The following HK2 variants were observed in gnomAD, a reference collection of about 807,000 sequenced individuals.
HK2 encodes the protein hexokinase-2.
Under a neutral mutation model 92.9 loss-of-function variants are expected in HK2, and 42 were observed. That is an observed-to-expected ratio of 0.45 (90% CI 0.35 to 0.58). The LOEUF (loss-of-function observed/expected upper bound fraction) is 0.58. Ranked by LOEUF, HK2 falls within the 20% of genes least tolerant of loss-of-function variation. HK2 has a pLI of 0.00. For missense variants in HK2, 978 were observed against 1,245.1 expected, an observed-to-expected ratio of 0.79 and a Z score of 3.23; for synonymous variants, 422 against 468.0, an observed-to-expected ratio of 0.90 and a Z score of 1.27.
intron 8 of HK2, among the ~76,000 whole-genome samples, chr2:74,877,702 C>T (rs1459641656): frequency 6.6e-6 from 1 of 152,190 alleles, no homozygotes; most frequent in African/African-American, 2.4e-5. Flanking sequence ...TCAAAAAGGA[C>T]TCTGTCATGA....
chr2:74,887,704 G>T (rs1418294606), intron 15 of HK2, among the ~76,000 whole-genome samples, 199 bp from the exon 16 acceptor site: 1 of 152,056 alleles, frequency 6.6e-6, no homozygotes, highest in African/African-American at 2.4e-5. Context: ...TGTGGTCAGT[G>T]TTGCTGAAGG....
intron 1 of HK2, among the ~76,000 whole-genome samples, chr2:74,851,629 T>C (rs1007124838): frequency 2.8e-4 from 42 of 152,352 alleles, no homozygotes; most frequent in African/African-American, 7.9e-4. Context: ...CAGGAACTCC[T>C]GTGCCCTTTG....
At chr2:74,867,548 T>G in intron 2 of HK2, 88 bp from the exon 3 acceptor site, 1 of 1,483,798 alleles carries the variant, frequency 6.7e-7, no homozygotes, top group Non-Finnish European at 9.4e-7. Context: ...CCCACAGATA[T>G]TCCTGGAGGG....
At chr2:74,851,411 T>A (rs1210290423) in intron 1 of HK2, among the ~76,000 whole-genome samples, 1 of 152,216 alleles carries the variant, frequency 6.6e-6, no homozygotes, top group Non-Finnish European at 1.5e-5. Context: ...GCAACGTGGA[T>A]AAAGGGTGAC....
At chr2:74,883,572 C>T (rs190876718) in intron 12 of HK2, among the ~76,000 whole-genome samples, 1 of 152,300 alleles carries the variant, frequency 6.6e-6, no homozygotes, top group East Asian at 1.9e-4. Flanking sequence ...TGGCCCTCAC[C>T]TTGGCTTCAC....
At chr2:74,861,736 C>T (rs1435274825) in intron 2 of HK2, among the ~76,000 whole-genome samples, 1 of 152,180 alleles carries the variant, frequency 6.6e-6, no homozygotes, top group African/African-American at 2.4e-5. Context: ...TAAATGGATC[C>T]TAAATACGAG....
intron 1 of HK2, among the ~76,000 whole-genome samples, chr2:74,839,951 C>CTTTTTT (rs773321768): frequency 5.2e-5 from 5 of 97,048 alleles, no homozygotes; most frequent in Admixed American, 1.1e-4. Context: ...TGCGCCTGGC[C>CTTTTTT]TTTTTTTTTT....
rs1324555980 is a variant in HK2, at chr2:74,889,380, C to A, written c.2511C>A (p.Gly837=). The change falls in exon 17 of 18, where the codon GGC becomes GGA. Residue 837 remains glycine, a synonymous_variant. Coordinates refer to ENST00000290573, the MANE Select transcript of HK2 (RefSeq NM_000189.5). ...GGGCAGCCCAGCTCTGTGGCGCAGG[C>A]ATGGCCGCTGTGGTGGACAGGATAC... ...ARRAAQLCGA[G]MAAVVDRIRE... is the part of the protein sequence containing the mutation. 1 of 1,614,210 alleles carries A rather than the reference C, an allele frequency of 6.2e-7. No individual in the cohort carries two copies. Among genetic ancestry groups the A allele is most frequent in the Non-Finnish European group, 8.5e-7 (1 of 1,180,014 alleles).
At chr2:74,847,497 G>T (rs56832964) in intron 1 of HK2, among the ~76,000 whole-genome samples, 4,222 of 152,184 alleles carry the variant, frequency 0.028, 173 homozygotes, top group African/African-American at 0.096. Flanking sequence ...GGACAACGCA[G>T]TGAGACTCTG....
chr2:74,849,817 T>A (rs59678455), intron 1 of HK2, among the ~76,000 whole-genome samples: 32 of 152,090 alleles, frequency 2.1e-4, no homozygotes, highest in African/African-American at 7.5e-4. Flanking sequence ...AGATGAAGAG[T>A]CCTCTAATGT....
At chr2:74,867,434 A>G (rs1440349361) in intron 2 of HK2, among the ~76,000 whole-genome samples, 1 of 152,166 alleles carries the variant, frequency 6.6e-6, no homozygotes, top group Non-Finnish European at 1.5e-5. Flanking sequence ...TCCAGTTTTA[A>G]TAAAGCTCTG....
At chr2:74,852,086 CAG>C (rs1688584167) in intron 1 of HK2, among the ~76,000 whole-genome samples, 2 of 152,206 alleles carry the variant, frequency 1.3e-5, no homozygotes, top group Admixed American at 1.3e-4. Context: ...CTTCCTACCT[CAG>C]AGGGCTGTTC....
intron 12 of HK2, among the ~76,000 whole-genome samples, chr2:74,883,033 G>C (rs1400535716): frequency 6.6e-6 from 1 of 152,182 alleles, no homozygotes; most frequent in Non-Finnish European, 1.5e-5. Context: ...TTCTGGACAT[G>C]AGTGCCCCGA....
chr2:74,869,413 T>C lies in HK2; in HGVS notation c.375+1629T>C, dbSNP rs147371707. On this transcript the variant is annotated intron_variant, in intron 3 of 17. Coordinates refer to ENST00000290573, the MANE Select transcript of HK2 (RefSeq NM_000189.5). ...CTTTTTTGGTACTTGGTATCAGTATTTTACTTAAAGGAAAACAAATGGATT... is the reference window on the plus strand; with the variant it reads ...CTTTTTTGGTACTTGGTATCAGTATCTTACTTAAAGGAAAACAAATGGATT... Among the ~76,000 whole-genome samples the C allele has an allele frequency of 4.5e-3, 678 of 152,300 alleles. 1 individual carries two copies. The highest frequency in any genetic ancestry group is 0.015 in the African/African-American group (606 of 41,550).
At chr2:74,873,432 C>T in intron 5 of HK2, 61 bp downstream of exon 5, 3 of 1,100,144 alleles carry the variant, frequency 2.7e-6, no homozygotes, top group Non-Finnish European at 4.2e-6. Context: ...CTGAAGACTC[C>T]CTGAGTGTCC....
intron 3 of HK2, 119 bp from the exon 4 acceptor site, chr2:74,872,181 C>A: frequency 1.0e-6 from 1 of 970,000 alleles, no homozygotes; most frequent in Non-Finnish European, 1.6e-6. Context: ...ATGAAGATAT[C>A]AGAGGAGATA....
In HK2 at chr2:74,839,828, T is replaced by G. The variant is rs563317794; in HGVS notation, c.63+5185T>G. Among the ~76,000 whole-genome samples the G allele has an allele frequency of 5.4e-4, 82 of 151,614 alleles. No homozygotes were observed. In the South Asian group the frequency reaches 8.1e-3, roughly 15 times the overall value. On this transcript the variant is annotated intron_variant, in intron 1 of 17. Coordinates refer to ENST00000290573, the MANE Select transcript of HK2 (RefSeq NM_000189.5). ...GCGCACCACCATGCCCAGCTAATTTTTTTTTAGTAGAGATGGGGTTTCACC... is the reference window on the plus strand; with the variant it reads ...GCGCACCACCATGCCCAGCTAATTTGTTTTTAGTAGAGATGGGGTTTCACC...
intron 2 of HK2, among the ~76,000 whole-genome samples, chr2:74,861,399 G>A (rs988517145): frequency 3.3e-5 from 5 of 150,274 alleles, no homozygotes; most frequent in Non-Finnish European, 7.4e-5. Context: ...CAGCCTGGGC[G>A]ACAGAGTGAG....
chr2:74,878,873 T>C lies in HK2; in HGVS notation c.1217T>C (p.Leu406Pro). The C allele has an allele frequency of 6.4e-7, 1 of 1,552,052 alleles. No homozygotes were observed. The highest frequency in any genetic ancestry group is 8.7e-7 in the Non-Finnish European group (1 of 1,147,258). Reference protein sequence around the residue: ...RIKENKGEERLRSTIGVDGSV... With the variant: ...RIKENKGEERPRSTIGVDGSV... ...AAGGAGAACAAAGGCGAGGAGCGGC[T>C]GCGCTCTACTATTGGGGTCGACGGT... is the stretch of plus-strand genomic sequence containing the variant. The change falls in exon 9 of 18, where the codon CTG becomes CCG. Residue 406 changes from leucine to proline, a missense_variant. By Grantham distance (98) the Leu-to-Pro change is moderately conservative. This residue lies in a region of HK2 where 742 missense variants were observed against 922.5 expected (regional missense o/e 0.80). Transcript: ENST00000290573.
Sources: gnomAD v4.1 joint callset for allele counts (sites outside exome capture counted in the v4.1 genomes callset) on GRCh38, gnomAD v4.1.1 for gene constraint, gnomAD v4.1.1 regional missense constraint, MANE v1.5 for transcripts, NCBI Gene and HGNC (gene_info 2026-07-23, HGNC 2026-07-21) for gene names.